The following FUT9 variants were observed in gnomAD, a reference collection of about 807,000 sequenced individuals.
FUT9 encodes the protein fucosyltransferase 9.
FUT9 carries 15 observed loss-of-function variants against 29.7 expected under a neutral mutation model. That is an observed-to-expected ratio of 0.51 (90% confidence interval 0.34 to 0.78). The LOEUF is 0.78. Ranked by LOEUF, FUT9 falls within the 30% of genes least tolerant of loss-of-function variation. The probability of loss-of-function intolerance (pLI) is 0.01; values close to 1 mark genes in which losing one functional copy is unlikely to be tolerated. For missense variants in FUT9, 319 were observed against 425.4 expected (o/e 0.75, Z 2.20); for synonymous variants, 169 against 153.7 (o/e 1.10, Z -0.74).
chr6:96,043,242 G>A (rs1034696079), intron 1 of FUT9, among the ~76,000 whole-genome samples: 4 of 152,072 alleles, frequency 2.6e-5, no homozygotes, highest in Admixed American at 1.3e-4. Flanking sequence ...TAGTAGAGAC[G>A]GGGTTTCACC....
chr6:96,066,476 A>G (rs1435120222), intron 1 of FUT9, among the ~76,000 whole-genome samples: 1 of 152,056 alleles, frequency 6.6e-6, no homozygotes, highest in African/African-American at 2.4e-5. Flanking sequence ...GTATGATATT[A>G]TCATTTGGTA....
At chr6:96,031,395 A>T (rs551019248) in intron 1 of FUT9, among the ~76,000 whole-genome samples, 12 of 58,720 alleles carry the variant, frequency 2.0e-4, no homozygotes, top group East Asian at 3.7e-3. Flanking sequence ...ATTAGTAGAT[A>T]AAAAAAACTA....
intron 1 of FUT9, among the ~76,000 whole-genome samples, chr6:96,078,408 C>T (rs190342475): frequency 0.096 from 4,256 of 44,242 alleles, 206 homozygotes; most frequent in South Asian, 0.29. Context: ...TATTAGTCTT[C>T]TTTTTTTTTT....
intron 1 of FUT9, among the ~76,000 whole-genome samples, chr6:96,069,376 T>G (rs9485645): frequency 0.56 from 84,076 of 151,106 alleles, 23,500 homozygotes; most frequent in South Asian, 0.64. Flanking sequence ...ATGAATGAGA[T>G]CTACAATATT....
chr6:96,027,568 T>C (rs1342356554), intron 1 of FUT9, among the ~76,000 whole-genome samples: 1 of 151,572 alleles, frequency 6.6e-6, no homozygotes, highest in Non-Finnish European at 1.5e-5. Context: ...TCTGGTGTAC[T>C]TCTCCCCTTC....
chr6:96,082,725 A>AT (rs34660927), intron 1 of FUT9, among the ~76,000 whole-genome samples: 1 of 151,870 alleles, frequency 6.6e-6, no homozygotes, highest in African/African-American at 2.4e-5. Context: ...CCTATCTACT[A>AT]TTTTTTGGAG....
chr6:96,137,830 G>C (rs1255666533), intron 2 of FUT9, among the ~76,000 whole-genome samples: 3 of 151,950 alleles, frequency 2.0e-5, no homozygotes, highest in African/African-American at 7.2e-5. Flanking sequence ...AGAGGGAACT[G>C]GATTTGGAAC....
At chr6:96,127,506 C>T (rs4289658) in intron 2 of FUT9, among the ~76,000 whole-genome samples, 138,450 of 152,170 alleles carry the variant, frequency 0.91, 64,090 homozygotes, top group East Asian at 1. Context: ...AACATACCTG[C>T]GCATGTGTCT....
intron 2 of FUT9, among the ~76,000 whole-genome samples, chr6:96,181,134 ATGTG>A (rs1227493014): frequency 6.6e-6 from 1 of 152,094 alleles, no homozygotes; most frequent in South Asian, 2.1e-4. Flanking sequence ...TCATTTACTT[ATGTG>A]TGTATTTTCA....
intron 2 of FUT9, among the ~76,000 whole-genome samples, chr6:96,172,603 T>G (rs1447222739): frequency 6.6e-6 from 1 of 151,932 alleles, no homozygotes; most frequent in Non-Finnish European, 1.5e-5. Context: ...CCACCAGTGT[T>G]TAGAGATTGC....
intron 1 of FUT9, among the ~76,000 whole-genome samples, chr6:96,078,605 A>G (rs533135839): frequency 6.2e-4 from 93 of 151,136 alleles, no homozygotes; most frequent in African/African-American, 2.2e-3. Flanking sequence ...TATTTTTAGT[A>G]GAGACAGGGT....
At chr6:96,116,231 C>T (rs906313208) in intron 2 of FUT9, among the ~76,000 whole-genome samples, 2 of 152,066 alleles carry the variant, frequency 1.3e-5, no homozygotes, top group Non-Finnish European at 2.9e-5. Context: ...GATGCCAGAA[C>T]ATACCTGTTA....
chr6:96,028,414 T>C (rs929248990), intron 1 of FUT9, among the ~76,000 whole-genome samples: 2 of 151,630 alleles, frequency 1.3e-5, no homozygotes, highest in African/African-American at 2.4e-5. Flanking sequence ...ATGTTTAATG[T>C]TTTTAATTAA....
intron 2 of FUT9, among the ~76,000 whole-genome samples, chr6:96,199,738 C>T (rs1490087318): frequency 1.3e-5 from 2 of 152,102 alleles, no homozygotes; most frequent in African/African-American, 4.8e-5. Context: ...AAACAAAGTA[C>T]GTATTCATTC....
intron 2 of FUT9, among the ~76,000 whole-genome samples, chr6:96,122,957 G>A (rs1009409266): frequency 1.6e-4 from 24 of 150,140 alleles, no homozygotes; most frequent in African/African-American, 4.6e-4. Context: ...CCACTCGGGA[G>A]GCTGAGGCAG....
chr6:96,176,830 C>T (rs565197524), intron 2 of FUT9, among the ~76,000 whole-genome samples: 3 of 152,280 alleles, frequency 2.0e-5, no homozygotes, highest in Admixed American at 6.5e-5. Context: ...TGTCTTGGTT[C>T]TCCTCAGCTC....
intron 2 of FUT9, among the ~76,000 whole-genome samples, chr6:96,171,481 A>C (rs1198826403): frequency 3.3e-5 from 5 of 152,064 alleles, no homozygotes; most frequent in African/African-American, 4.8e-5. Flanking sequence ...TAAGGCTTAG[A>C]GAATGGTGAA....
chr6:96,036,737 G>T (rs1293815685), intron 1 of FUT9: 1 of 151,850 alleles, frequency 6.6e-6, no homozygotes, highest in Non-Finnish European at 1.5e-5. Context: ...CTGTATTTTG[G>T]TGTATCAAAG....
chr6:96,079,563 C>A (rs1771200910), intron 1 of FUT9, among the ~76,000 whole-genome samples: 1 of 152,074 alleles, frequency 6.6e-6, no homozygotes, highest in Non-Finnish European at 1.5e-5. Flanking sequence ...ATTAATATAT[C>A]ATTTTTAATG....
Sources: gnomAD v4.1 joint callset for allele counts (sites outside exome capture counted in the v4.1 genomes callset) on GRCh38, gnomAD v4.1.1 for gene constraint, MANE v1.5 for transcripts, NCBI Gene and HGNC (gene_info 2026-07-23, HGNC 2026-07-21) for gene names.